The following SYCE2 variants were observed in gnomAD, a reference collection of about 807,000 sequenced individuals.
SYCE2 encodes the protein synaptonemal complex central element protein 2, also known as central element synaptonemal complex 1.
SYCE2 carries 3 observed loss-of-function variants against 27.9 expected under a neutral mutation model. The observed-to-expected ratio is 0.11, with a 90% CI of 0.05 to 0.28. SYCE2 has a LOEUF of 0.28. Among genes scored for constraint, SYCE2 ranks in the 10% least tolerant of loss-of-function variants. The pLI is 1.00. For synonymous variants in SYCE2, 85 were observed against 100.7 expected (o/e 0.84, Z 0.93); for missense variants, 207 against 263.5 (o/e 0.79, Z 1.48).
chr19:12,901,169 AAAATAAATAAATAAATAAATAAAT>A (rs368396066), intron 3 of SYCE2, among the ~76,000 whole-genome samples: 2 of 140,752 alleles, frequency 1.4e-5, no homozygotes, highest in Non-Finnish European at 3.1e-5. Flanking sequence ...ACTCCATCTC[AAAATAAATAAATAAATAAATAAAT>A]AAATAAATAA....
Position 12,918,367 on chromosome 19 carries a change from G to A in SYCE2, c.16-30C>T, listed in dbSNP as rs375130204. 1.8e-4 allele frequency: 288 copies of A among 1,597,124 alleles called. 1 individual carries two copies. Among genetic ancestry groups the A allele is most frequent in the Non-Finnish European group, 2.4e-4 (283 of 1,164,730 alleles). On this transcript the variant is annotated intron_variant, in intron 1 of 5. Transcript: ENST00000293695. Reference sequence around the variant, plus strand: ...AAGCACAGTCAGGACGGAGGCCAAGGAGGGAGGATGAGGAGTGAACAGATC... The same window carrying A: ...AAGCACAGTCAGGACGGAGGCCAAGAAGGGAGGATGAGGAGTGAACAGATC...
rs1053547842 is a variant in SYCE2 at position 12,899,058 on chromosome 19, G to T, written c.*283C>A. The T allele has an allele frequency of 1.9e-5, 9 of 483,340 alleles. No individual in the cohort carries two copies. Among genetic ancestry groups the T allele is most frequent in the Non-Finnish European group, 3.0e-5 (8 of 264,758 alleles). 29.9% of individuals were successfully genotyped at this position (483,340 alleles called of 1,614,324 possible). ...GAGCTCAGGGGTGCTTTCAGCCTCT[G>T]TGGCAAGGAAGCGTGGCCAGGTTGA... On this transcript the variant is annotated 3_prime_UTR_variant, in exon 6 of 6. Transcript: ENST00000293695.
At chr19:12,906,465 T>G (rs748903328) in intron 2 of SYCE2, among the ~76,000 whole-genome samples, 2 of 152,168 alleles carry the variant, frequency 1.3e-5, no homozygotes, top group Non-Finnish European at 2.9e-5. Context: ...GAGTAATATG[T>G]AATGTTCCGT....
At chr19:12,912,028 C>T (rs2145977740) in intron 2 of SYCE2, among the ~76,000 whole-genome samples, 1 of 151,986 alleles carries the variant, frequency 6.6e-6, no homozygotes, top group Admixed American at 6.6e-5. Flanking sequence ...ACCTCTGCCT[C>T]CCGGGTTCAA....
intron 3 of SYCE2, 125 bp downstream of exon 3, chr19:12,904,367 A>C (rs957432673): frequency 1.1e-5 from 12 of 1,101,650 alleles, no homozygotes; most frequent in Non-Finnish European, 1.6e-5. Context: ...TCATAAGTGG[A>C]GGAGCTCCTG....
intron 2 of SYCE2, among the ~76,000 whole-genome samples, chr19:12,914,690 A>G (rs1380816474): frequency 6.6e-6 from 1 of 151,026 alleles, no homozygotes; most frequent in Non-Finnish European, 1.5e-5. Context: ...GCTCAGTGCA[A>G]CCTCTGCCTC....
chr19:12,900,421 C>G, intron 4 of SYCE2, 39 bp downstream of exon 4: 2 of 1,599,072 alleles, frequency 1.3e-6, no homozygotes, highest in Non-Finnish European at 8.5e-7. Context: ...TCCCTGTCCT[C>G]TTCCTCAGGC....
At chr19:12,899,946 G>A (rs1245500337) in intron 5 of SYCE2, 58 bp downstream of exon 5, 5 of 1,611,396 alleles carry the variant, frequency 3.1e-6, no homozygotes, top group South Asian at 1.1e-5. Flanking sequence ...TGAGGGAGAG[G>A]AAAATAAAGA....
intron 2 of SYCE2, among the ~76,000 whole-genome samples, chr19:12,916,796 CAG>C (rs1461478178): frequency 2.0e-5 from 3 of 151,752 alleles, no homozygotes; most frequent in South Asian, 4.2e-4. Flanking sequence ...TCTTTTTTTT[CAG>C]AGAGATATGT....
chr19:12,904,387 TG>T, intron 3 of SYCE2, 104 bp downstream of exon 3: 4 of 1,368,206 alleles, frequency 2.9e-6, no homozygotes, highest in Non-Finnish European at 4.1e-6. Flanking sequence ...GTGCTGTGTG[TG>T]AATGGCCTAG....
At chr19:12,903,080 GTCT>G (rs933296701) in intron 3 of SYCE2, among the ~76,000 whole-genome samples, 195 of 148,954 alleles carry the variant, frequency 1.3e-3, no homozygotes, top group Non-Finnish European at 2.4e-3. Context: ...GAAAGAGGCA[GTCT>G]TCTTTTTCTT....
intron 2 of SYCE2, among the ~76,000 whole-genome samples, chr19:12,913,220 C>G (rs115067266): frequency 1.4e-3 from 210 of 152,306 alleles, no homozygotes; most frequent in African/African-American, 4.9e-3. Flanking sequence ...AATTTGGCTG[C>G]GAGGATTAGG....
At chr19:12,918,712 G>GGGAGGC (rs1971184887) in intron 1 of SYCE2, among the ~76,000 whole-genome samples, 3 of 152,192 alleles carry the variant, frequency 2.0e-5, no homozygotes, top group Middle Eastern at 3.4e-3. Flanking sequence ...CCAGCACTTT[G>GGGAGGC]GGAGGCGGAG....
At chr19:12,900,286 C>T in intron 4 of SYCE2, 166 bp from the exon 5 acceptor site, 1 of 1,067,856 alleles carries the variant, frequency 9.4e-7, no homozygotes, top group South Asian at 1.7e-5. Flanking sequence ...TCAGCTCAGA[C>T]ACACCATGTT....
Position 12,899,611 on chromosome 19 carries a change from G to T in SYCE2, c.613-226C>A, listed in dbSNP as rs760840900. 14 of 1,613,340 alleles carry T rather than the reference G, an allele frequency of 8.7e-6. No homozygotes were observed. The South Asian group carries it at 1.4e-4, about 16-fold the overall frequency. On this transcript the variant is annotated intron_variant, in intron 5 of 5. Transcript: ENST00000293695. ...AGATGCCTGGCTGGACCGTAGGAGC[G>T]CTGTGCTCTGAGCTTAGAAAGGGAG...
At chr19:12,913,243 A>C (rs1178272415) in intron 2 of SYCE2, among the ~76,000 whole-genome samples, 2 of 152,236 alleles carry the variant, frequency 1.3e-5, no homozygotes, top group Non-Finnish European at 2.9e-5. Context: ...ATAGTTCCCA[A>C]GCAGGGCCCA....
intron 2 of SYCE2, among the ~76,000 whole-genome samples, chr19:12,908,148 CA>C (rs1970972832): frequency 6.6e-6 from 1 of 151,896 alleles, no homozygotes; most frequent in African/African-American, 2.4e-5. Flanking sequence ...TTCAAACAAA[CA>C]AACAAAACAA....
rs796775754 is a variant in SYCE2, at chr19:12,916,969, C to T, written c.131+1253G>A. On this transcript the variant is annotated intron_variant, in intron 2 of 5. Coordinates refer to ENST00000293695, the MANE Select transcript of SYCE2 (RefSeq NM_001105578.2). ...TTCACCATGTGGGCCAGGCTGGTCT[C>T]GAAATCCTGACCTCAAGTTATCTGC... Among the ~76,000 whole-genome samples the T allele has an allele frequency of 1.1e-4, 16 of 152,046 alleles. No individual in the cohort carries two copies. In the East Asian group the frequency reaches 2.3e-3, roughly 22 times the overall value.
chr19:12,901,953 G>T (rs562610073), intron 3 of SYCE2, among the ~76,000 whole-genome samples: 1 of 152,050 alleles, frequency 6.6e-6, no homozygotes, highest in Non-Finnish European at 1.5e-5. Context: ...ATATACAGTC[G>T]TGTGCTGCAT....
Sources: allele counts gnomAD v4.1 joint callset (sites outside exome capture counted in the v4.1 genomes callset), GRCh38; gene constraint gnomAD v4.1.1; transcripts MANE v1.5; gene names NCBI Gene and HGNC (gene_info 2026-07-23, HGNC 2026-07-21).